The following STAU2 variants were observed in gnomAD, a reference collection of about 807,000 sequenced individuals.
The protein encoded by STAU2 is staufen double-stranded RNA binding protein 2.
In STAU2, 20 loss-of-function variants were observed where a neutral mutation model predicts 65.9. That is an observed-to-expected ratio of 0.30 (90% CI 0.21 to 0.44). The LOEUF (loss-of-function observed/expected upper bound fraction) is 0.44. Among genes scored for constraint, STAU2 ranks in the 20% least tolerant of loss-of-function variants. The probability of loss-of-function intolerance (pLI) is 1.00; values close to 1 mark genes in which losing one functional copy is unlikely to be tolerated. For missense variants in STAU2, 558 were observed against 683.9 expected (o/e 0.82, Z 2.05); for synonymous variants, 232 against 233.9 (o/e 0.99, Z 0.07).
chr8:73,740,112 A>G (rs554984987), intron 1 of STAU2, among the ~76,000 whole-genome samples: 1 of 152,336 alleles, frequency 6.6e-6, no homozygotes, highest in African/African-American at 2.4e-5. Context: ...CACATGAATG[A>G]GTTCAGAAAC....
At chr8:73,622,769 T>A (rs981907642) in intron 6 of STAU2, among the ~76,000 whole-genome samples, 2 of 152,168 alleles carry the variant, frequency 1.3e-5, no homozygotes, top group Non-Finnish European at 2.9e-5. Flanking sequence ...GATGAAACAC[T>A]GTGTTTCTGC....
chr8:73,709,067 TA>T lies in STAU2; in HGVS notation c.78del (p.Tyr26Ter), dbSNP rs1170318128. On this transcript the variant is annotated frameshift_variant, in exon 4 of 15. Transcript: ENST00000524300. LOFTEE classifies it high-confidence loss of function. ...LARFNRVQPQ[Y>X]KLLNERGPAH... Reference sequence around the variant, plus strand: ...GCAGGCCCTCTTTCATTCAGAAGTTTATACTGGGGTTGGACTCTATTGAAAC... The same window carrying T: ...GCAGGCCCTCTTTCATTCAGAAGTTTTACTGGGGTTGGACTCTATTGAAAC... 3.3e-6 allele frequency: 5 copies of T among 1,531,506 alleles called. No homozygotes were observed. The highest frequency in any genetic ancestry group is 1.4e-5 in the African/African-American group (1 of 72,830). 94.9% of individuals were successfully genotyped at this position (1,531,506 alleles called of 1,614,324 possible). A position where few individuals can be genotyped will look rare whatever the true frequency, so the allele number is the denominator to read the frequency against.
At chr8:73,473,805 G>A (rs1350446729) in intron 13 of STAU2, among the ~76,000 whole-genome samples, 1 of 152,186 alleles carries the variant, frequency 6.6e-6, no homozygotes. Flanking sequence ...TTGAGTATTA[G>A]AACACTTAGA....
At chr8:73,469,143 A>C (rs1430317691) in intron 13 of STAU2, among the ~76,000 whole-genome samples, 1 of 152,226 alleles carries the variant, frequency 6.6e-6, no homozygotes, top group Non-Finnish European at 1.5e-5. Flanking sequence ...GGATGAGTTC[A>C]TGTCCTTTGT....
intron 6 of STAU2, among the ~76,000 whole-genome samples, chr8:73,620,046 G>A (rs978456755): frequency 3.9e-5 from 6 of 152,070 alleles, no homozygotes; most frequent in African/African-American, 1.4e-4. Context: ...ATTGTGTACT[G>A]AAGTGCACAA....
chr8:73,487,280 T>C (rs1820965301), intron 13 of STAU2, among the ~76,000 whole-genome samples: 1 of 152,078 alleles, frequency 6.6e-6, no homozygotes, highest in Admixed American at 6.5e-5. Flanking sequence ...GCTCAGTGCC[T>C]ATAATTAACT....
At chr8:73,565,325 G>A (rs554743407) in intron 12 of STAU2, among the ~76,000 whole-genome samples, 1 of 152,212 alleles carries the variant, frequency 6.6e-6, no homozygotes, top group East Asian at 1.9e-4. Context: ...TGCTGGCCAT[G>A]TGAAGATGTG....
chr8:73,567,491 GAAAACGATTAA>G (rs939640106), intron 12 of STAU2, among the ~76,000 whole-genome samples: 1 of 151,526 alleles, frequency 6.6e-6, no homozygotes, highest in African/African-American at 2.4e-5. Context: ...TGGGCAACAA[GAAAACGATTAA>G]AAAACGATTA....
At chr8:73,524,369 CAA>C (rs983210995) in intron 13 of STAU2, among the ~76,000 whole-genome samples, 6 of 152,022 alleles carry the variant, frequency 3.9e-5, no homozygotes. Context: ...ACGCAGGGAA[CAA>C]AGAGTTCCAT....
At chr8:73,719,076 A>G (rs1050884423) in intron 3 of STAU2, among the ~76,000 whole-genome samples, 6 of 152,238 alleles carry the variant, frequency 3.9e-5, no homozygotes, top group Admixed American at 1.3e-4. Context: ...GGAACTGGTT[A>G]AAGTGGACAT....
intron 5 of STAU2, among the ~76,000 whole-genome samples, chr8:73,678,049 A>G (rs557070387): frequency 7.9e-5 from 12 of 152,240 alleles, no homozygotes; most frequent in Admixed American, 5.9e-4. Context: ...GTTCCATTCC[A>G]AATGCCACTC....
chr8:73,461,525 G>A (rs1383139215), intron 13 of STAU2, among the ~76,000 whole-genome samples: 1 of 151,922 alleles, frequency 6.6e-6, no homozygotes, highest in Non-Finnish European at 1.5e-5. Context: ...TAAGTAACAT[G>A]GCAAATATGA....
chr8:73,620,628 T>C (rs902834561), intron 6 of STAU2, among the ~76,000 whole-genome samples: 3 of 152,206 alleles, frequency 2.0e-5, no homozygotes, highest in Non-Finnish European at 2.9e-5. Context: ...TGTATGTGTA[T>C]GTGCATGCAT....
chr8:73,742,917 T>C (rs1199848890), intron 1 of STAU2, among the ~76,000 whole-genome samples: 2 of 152,208 alleles, frequency 1.3e-5, no homozygotes, highest in East Asian at 3.8e-4. Flanking sequence ...TAAATATGTA[T>C]AAATTTTTTA....
chr8:73,718,768 T>C (rs1041757761), intron 3 of STAU2, among the ~76,000 whole-genome samples: 2 of 152,224 alleles, frequency 1.3e-5, no homozygotes, highest in Non-Finnish European at 2.9e-5. Context: ...TTGTTAGACT[T>C]ATCTCTAAGT....
chr8:73,475,244 T>C (rs1202556880), intron 13 of STAU2, among the ~76,000 whole-genome samples: 1 of 152,172 alleles, frequency 6.6e-6, no homozygotes, highest in African/African-American at 2.4e-5. Context: ...ATGTACACTT[T>C]TCTGCAGTAT....
intron 13 of STAU2, among the ~76,000 whole-genome samples, chr8:73,521,808 T>C (rs1823057628): frequency 6.6e-6 from 1 of 152,220 alleles, no homozygotes; most frequent in Non-Finnish European, 1.5e-5. Context: ...TTTCTACTTA[T>C]AATATTTTCA....
intron 13 of STAU2, among the ~76,000 whole-genome samples, chr8:73,491,338 G>C (rs1229653932): frequency 6.6e-6 from 1 of 151,940 alleles, no homozygotes; most frequent in Non-Finnish European, 1.5e-5. Context: ...CAAAGATTTT[G>C]CTCTGTGGGG....
chr8:73,655,582 G>A lies in STAU2; in HGVS notation c.410+17525C>T, dbSNP rs141848451. ...TAAGTTAGAAAATATTTTGTGCAATGAGCCATTATTGAAATTATTAGCAGA... is the reference window on the plus strand; with the variant it reads ...TAAGTTAGAAAATATTTTGTGCAATAAGCCATTATTGAAATTATTAGCAGA... On this transcript the variant is annotated intron_variant, in intron 6 of 14. Transcript: ENST00000524300. Among the ~76,000 whole-genome samples the A allele has an allele frequency of 6.9e-4, 103 of 148,752 alleles. 1 individual carries two copies. Among genetic ancestry groups the A allele is most frequent in the African/African-American group, 2.2e-3 (88 of 40,578 alleles).
Sources: allele counts gnomAD v4.1 joint callset (sites outside exome capture counted in the v4.1 genomes callset), GRCh38; gene constraint gnomAD v4.1.1; transcripts MANE v1.5; gene names NCBI Gene and HGNC (gene_info 2026-07-23, HGNC 2026-07-21).